TTN: variants seen among roughly 807,000 people sequenced by gnomAD.
TTN encodes titin.
Under a neutral mutation model 3,223.0 loss-of-function variants are expected in TTN, and 1,525 were observed. That is an observed-to-expected ratio of 0.47 (90% CI 0.45 to 0.49). TTN has a LOEUF of 0.49. Ranked by LOEUF, TTN falls within the 20% of genes least tolerant of loss-of-function variation. The pLI is 0.00. For synonymous variants in TTN, 14,094 were observed against 15,161.0 expected (o/e 0.93, Z 5.17); for missense variants, 40,786 against 43,424.0 (o/e 0.94, Z 5.40).
chr2:178,625,831 A>G (rs2058959547), intron 240 of TTN, among the ~76,000 whole-genome samples: 1 of 152,038 alleles, frequency 6.6e-6, no homozygotes, highest in South Asian at 2.1e-4. Context: ...AATGTGGCAC[A>G]TATACACCAT....
rs1359437797 is a variant in TTN, at chr2:178,593,050, A to G, written c.59069T>C (p.Ile19690Thr). The G allele has an allele frequency of 3.7e-6, 6 of 1,613,258 alleles. No homozygotes were observed. The African/African-American group carries it at 5.3e-5, about 14-fold the overall frequency. ...KPSPPVNPEA[I>T]DTTCNSVDLT... is the part of the protein sequence containing the mutation. The stretch of plus-strand genomic sequence containing the variant: ...ATCGACTGAATTGCATGTTGTATCT[A>G]TTGCTTCAGGATTAACAGGTGGACT... The change falls in exon 300 of 363, where the codon ATA becomes ACA. Residue 19690 changes from isoleucine to threonine, a missense_variant. By Grantham distance (89) the Ile-to-Thr change is moderately conservative (BLOSUM62 -1). Transcript: ENST00000589042.
At chr2:178,696,968 G>A (rs2073854679) in intron 113 of TTN, among the ~76,000 whole-genome samples, 153 bp downstream of exon 113, 1 of 152,056 alleles carries the variant, frequency 6.6e-6, no homozygotes, top group African/African-American at 2.4e-5. Context: ...GGGGCAATAT[G>A]AAATAGCCAT....
chr2:178,651,124 C>A, intron 208 of TTN, 119 bp downstream of exon 208: 2 of 814,736 alleles, frequency 2.5e-6, no homozygotes, highest in Non-Finnish European at 3.9e-6. Context: ...CCTAAAAATC[C>A]AGAATGACAG....
chr2:178,592,779 C>G lies in TTN; in HGVS notation c.59340G>C (p.Arg19780Ser), dbSNP rs1327554085. 3.1e-6 allele frequency: 5 copies of G among 1,613,258 alleles called. No homozygotes were observed. Among genetic ancestry groups the G allele is most frequent in the Non-Finnish European group, 4.2e-6 (5 of 1,179,604 alleles). The change falls in exon 300 of 363, where the codon AGG (arginine) becomes AGC (serine). Residue 19780 changes from arginine (R) to serine (S), a missense_variant. Coordinates refer to ENST00000589042, the MANE Select transcript of TTN (RefSeq NM_001267550.2). ...AAGTGAGAGCATTTTACTCACCAAG[C>G]CTGTCTTTTACTAGGACTGGCTCCG... ...HVPEPVLVKD[R>S]LEPPELILDA...
chr2:178,727,355 T>C lies in TTN; in HGVS notation c.20010A>G (p.Val6670=). The C allele has an allele frequency of 6.3e-7, 1 of 1,598,886 alleles. No individual in the cohort carries two copies. Among genetic ancestry groups the C allele is most frequent in the Non-Finnish European group, 8.5e-7 (1 of 1,172,606 alleles). ...MLLVTEPPKF[V]KKLEASKIVK... The stretch of plus-strand genomic sequence containing the variant: ...CAATTTTGGAGGCTTCTAATTTCTT[T>C]ACAAACTTTGGTGGTTCTAAAGAGT... Residue 6670 remains valine (V), a synonymous_variant, in exon 69 of 363, where the codon GTA becomes GTG. Coordinates refer to ENST00000589042, the MANE Select transcript of TTN (RefSeq NM_001267550.2).
In TTN at chr2:178,693,609, C is replaced by T. The variant is rs763955552; in HGVS notation, c.31594G>A (p.Val10532Ile). ...ISKRVEPPPK[V>I]PELPEKPAPE... is the part of the protein sequence containing the mutation. Reference sequence around the variant, plus strand: ...TAAACTTAGAATGAATTACTAATACCTTTAGGTGGTGGTTCAACCCTTTTG... The same window carrying T: ...TAAACTTAGAATGAATTACTAATACTTTTAGGTGGTGGTTCAACCCTTTTG... Residue 10532 changes from valine to isoleucine, a missense_variant and splice_region_variant, in exon 119 of 363, where the codon GTC (valine) becomes ATC (isoleucine). Val to Ile is a conservative substitution (Grantham distance 29). Coordinates refer to ENST00000589042, the MANE Select transcript of TTN (RefSeq NM_001267550.2). 325 of 1,581,414 alleles carry T rather than the reference C, an allele frequency of 2.1e-4. No homozygotes were observed. The highest frequency in any genetic ancestry group is 2.6e-4 in the Non-Finnish European group (303 of 1,159,656).
rs774650474 is a variant in TTN, at chr2:178,601,540, A to G, written c.55457T>C (p.Leu18486Pro). Reference protein sequence around the residue: ...VMDVPGPPKDLKVSDITRGSC... With the variant: ...VMDVPGPPKDPKVSDITRGSC... ...ACCCCTTGTGATATCACTGACTTTC[A>G]GATCTTTGGGTGGGCCTGGTACATC... is the stretch of plus-strand genomic sequence containing the variant. Residue 18486 changes from leucine to proline, a missense_variant, in exon 287 of 363, where the codon CTG (leucine) becomes CCG (proline). By Grantham distance (98) the Leu-to-Pro change is moderately conservative (BLOSUM62 -3). Transcript: ENST00000589042. 3 of 1,612,218 alleles carry G rather than the reference A, an allele frequency of 1.9e-6. No homozygotes were observed. In the South Asian group the frequency reaches 3.3e-5, roughly 18 times the overall value.
intron 223 of TTN, among the ~76,000 whole-genome samples, chr2:178,639,239 T>C (rs2060909503): frequency 6.6e-6 from 1 of 152,050 alleles, no homozygotes; most frequent in Admixed American, 6.6e-5. Flanking sequence ...TGAAATACAT[T>C]CACAATATTG....
In TTN at chr2:178,663,089, G is replaced by C. The variant is rs958939585; in HGVS notation, c.36701-34C>G. 5 of 1,594,244 alleles carry C rather than the reference G, an allele frequency of 3.1e-6. No individual in the cohort carries two copies. In the African/African-American group the frequency reaches 4.1e-5, roughly 13 times the overall value. On this transcript the variant is annotated intron_variant, in intron 173 of 362. Coordinates refer to ENST00000589042, the MANE Select transcript of TTN (RefSeq NM_001267550.2). ...ATATTTGTAATTTGTGTTTAGAAAA[G>C]GTGAAAATGATGGATGCCTTTTGCA...
In TTN at chr2:178,565,570, C is replaced by A; in HGVS notation, c.80562G>T (p.Lys26854Asn). ...SSGQEYQFRV[K>N]AYNEKGKSDP... ...CGCTTTTTCCTTTCTCATTATAAGC[C>A]TTGACACGGAACTGATATTCTTGTC... is the stretch of plus-strand genomic sequence containing the variant. The change falls in exon 326 of 363, where the codon AAG becomes AAT. Residue 26854 changes from lysine (K) to asparagine (N), a missense_variant. Transcript: ENST00000589042. 1 of 1,613,592 alleles carries A rather than the reference C, an allele frequency of 6.2e-7. No homozygotes were observed. The highest frequency in any genetic ancestry group is 8.5e-7 in the Non-Finnish European group (1 of 1,179,644).
Position 178,712,487 on chromosome 2 carries a change from C to T in TTN, c.27435G>A (p.Trp9145Ter). 6.2e-7 allele frequency: 1 copy of T among 1,613,762 alleles called. No homozygotes were observed. The highest frequency in any genetic ancestry group is 8.5e-7 in the Non-Finnish European group (1 of 1,179,792). Residue 9145 changes from tryptophan to a stop codon, truncating the protein, a stop_gained, in exon 95 of 363, where the codon TGG becomes TGA. Coordinates refer to ENST00000589042, the MANE Select transcript of TTN (RefSeq NM_001267550.2). LOFTEE classifies it high-confidence loss of function. ...FTGTPPISVTWKKNGINVTPS... is the reference protein window; with the variant it reads ...FTGTPPISVT ...GAGTTACATTTATGCCATTTTTCTTCCAGGTAACCGAAATGGGAGGAGTTC... is the reference window on the plus strand; with the variant it reads ...GAGTTACATTTATGCCATTTTTCTTTCAGGTAACCGAAATGGGAGGAGTTC...
rs764521300 is a variant in TTN, at chr2:178,675,914, GC to G, written c.34453+6del. On this transcript the variant is annotated splice_donor_region_variant and intron_variant, in intron 148 of 362. Coordinates refer to ENST00000589042, the MANE Select transcript of TTN (RefSeq NM_001267550.2). ...GCATAGTCTAATTTACTTCGGAATA[GC>G]AATACCTTTGGCAGGGGGAGCCTCC... 21 of 1,605,602 alleles carry G rather than the reference GC, an allele frequency of 1.3e-5. No individual in the cohort carries two copies. Among genetic ancestry groups the G allele is most frequent in the Middle Eastern group, 1.6e-4 (1 of 6,066 alleles).
intron 316 of TTN, 176 bp from the exon 317 acceptor site, chr2:178,580,785 T>G (rs1383942009): frequency 1.6e-5 from 11 of 673,154 alleles, no homozygotes; most frequent in Non-Finnish European, 2.6e-5. Context: ...ATTGTTGATC[T>G]TTCCATTTTC....
rs774783735 is a variant in TTN at position 178,711,032 on chromosome 2, C to A, written c.28174+30G>T. 6 of 1,549,620 alleles carry A rather than the reference C, an allele frequency of 3.9e-6. No individual in the cohort carries two copies. In the Admixed American group the frequency reaches 1.2e-4, roughly 32 times the overall value. On this transcript the variant is annotated intron_variant, in intron 97 of 362. Coordinates refer to ENST00000589042, the MANE Select transcript of TTN (RefSeq NM_001267550.2). ...CATATTTGATTATAATACTTTAATT[C>A]TAGAAATGAAAGTTTAAGAATCCAC...
At position 178,609,748 on chromosome 2, in the gene TTN, C is replaced by T. The variant is rs376183796; in HGVS notation, c.51675G>A (p.Glu17225=). 6.2e-6 allele frequency: 10 copies of T among 1,612,374 alleles called. 1 individual carries two copies. In the African/African-American group the frequency reaches 1.2e-4, roughly 19 times the overall value. The change falls in exon 272 of 363, where the codon GAG becomes GAA. Residue 17225 remains glutamate, a synonymous_variant. Transcript: ENST00000589042. ...GKEYQFRVRA[E]NAAGISEPSR... is the part of the protein sequence containing the mutation. ...AAGGTTCACTAATACCCGCGGCGTT[C>T]TCTGCTCGCACACGGAATTGGTACT...
chr2:178,775,119 T>A lies in TTN; in HGVS notation c.6592A>T (p.Thr2198Ser). The A allele has an allele frequency of 6.2e-7, 1 of 1,614,030 alleles. No individual in the cohort carries two copies. Among genetic ancestry groups the A allele is most frequent in the Non-Finnish European group, 8.5e-7 (1 of 1,179,968 alleles). Residue 2198 changes from threonine to serine, a missense_variant, in exon 29 of 363, where the codon ACT becomes TCT. Thr to Ser is a moderately conservative substitution (Grantham distance 58). Coordinates refer to ENST00000589042, the MANE Select transcript of TTN (RefSeq NM_001267550.2). ...TTCACTTTGACAAATGGTTCTGAAGTTTCACATTCAAAGGTTGCCATAGTG... is the reference window on the plus strand; with the variant it reads ...TTCACTTTGACAAATGGTTCTGAAGATTCACATTCAAAGGTTGCCATAGTG... Reference protein sequence around the residue: ...KDTMATFECETSEPFVKVKWY... With the variant: ...KDTMATFECESSEPFVKVKWY...
chr2:178,551,371 T>G, intron 335 of TTN, 111 bp from the exon 336 acceptor site: 3 of 845,672 alleles, frequency 3.5e-6, no homozygotes, highest in Non-Finnish European at 3.2e-6. Context: ...AGTAAAATTT[T>G]TATAATAAGT....
chr2:178,705,471 A>G (rs2154291742), intron 102 of TTN, 114 bp from the exon 103 acceptor site: 1 of 842,874 alleles, frequency 1.2e-6, no homozygotes, highest in Non-Finnish European at 1.7e-6. Context: ...TCTTTATTCA[A>G]TAAATATTAA....
chr2:178,778,732 TG>T, intron 24 of TTN, 141 bp downstream of exon 24: 1 of 1,176,524 alleles, frequency 8.5e-7, no homozygotes, highest in Non-Finnish European at 1.2e-6. Context: ...TAAAAACTTC[TG>T]GCAATTGTTG....
Sources: gnomAD v4.1 joint callset for allele counts (sites outside exome capture counted in the v4.1 genomes callset) on GRCh38, gnomAD v4.1.1 for gene constraint, MANE v1.5 for transcripts, NCBI Gene and HGNC (gene_info 2026-07-23, HGNC 2026-07-21) for gene names.